Variants in TMEM45A observed in about 807,000 individuals in gnomAD.
TMEM45A encodes the protein transmembrane protein 45A, also known as DNA polymerase-transactivated protein 4.
Under a neutral mutation model 32.0 loss-of-function variants are expected in TMEM45A, and 25 were observed. The observed-to-expected ratio is 0.78, with a 90% CI of 0.57 to 1.09. The LOEUF is 1.09. Among genes scored for constraint, TMEM45A ranks in the 50% least tolerant of loss-of-function variants. The pLI is 0.00. For synonymous variants in TMEM45A, 122 were observed against 114.8 expected (o/e 1.06, Z -0.40); for missense variants, 302 against 325.0 (o/e 0.93, Z 0.54).
At chr3:100,564,630 A>T (rs943143413) in intron 4 of TMEM45A, among the ~76,000 whole-genome samples, 1 of 152,112 alleles carries the variant, frequency 6.6e-6, no homozygotes, top group Non-Finnish European at 1.5e-5. Context: ...TTATAGGCAC[A>T]TGCCACCAGG....
intron 1 of TMEM45A, among the ~76,000 whole-genome samples, chr3:100,543,762 A>G (rs575217358): frequency 2.0e-5 from 3 of 152,084 alleles, no homozygotes; most frequent in African/African-American, 4.8e-5. Flanking sequence ...GTTTATTTCA[A>G]ATATTTTTTT....
At chr3:100,506,423 G>A (rs1708081673) in intron 1 of TMEM45A, among the ~76,000 whole-genome samples, 1 of 152,038 alleles carries the variant, frequency 6.6e-6, no homozygotes, top group African/African-American at 2.4e-5. Flanking sequence ...AAATAGTAAT[G>A]TAGTTTAAAG....
At chr3:100,523,909 A>G (rs998045558) in intron 1 of TMEM45A, among the ~76,000 whole-genome samples, 1 of 152,202 alleles carries the variant, frequency 6.6e-6, no homozygotes, top group African/African-American at 2.4e-5. Flanking sequence ...AAGGAAGGGA[A>G]CTGCATAGAG....
intron 1 of TMEM45A, among the ~76,000 whole-genome samples, chr3:100,517,046 G>A (rs1708273573): frequency 6.6e-6 from 1 of 152,090 alleles, no homozygotes. Flanking sequence ...ATTTTCCTTT[G>A]CATGTGTTCT....
intron 2 of TMEM45A, among the ~76,000 whole-genome samples, chr3:100,555,851 TA>T (rs2148982116): frequency 6.6e-6 from 1 of 152,362 alleles, no homozygotes; most frequent in Admixed American, 6.5e-5. Context: ...GGCATCAAAT[TA>T]CACAGTAACA....
At chr3:100,504,193 G>A (rs1708048092) in intron 1 of TMEM45A, among the ~76,000 whole-genome samples, 1 of 151,636 alleles carries the variant, frequency 6.6e-6, no homozygotes, top group Admixed American at 6.6e-5. Flanking sequence ...AATTATCTGT[G>A]GTAAAGGACC....
intron 1 of TMEM45A, among the ~76,000 whole-genome samples, chr3:100,498,150 T>G (rs1025748464): frequency 1.3e-5 from 2 of 152,212 alleles, no homozygotes; most frequent in Non-Finnish European, 2.9e-5. Flanking sequence ...CCTGCCACCA[T>G]GTGAAGAAGG....
chr3:100,566,340 T>G (rs1706437733), intron 4 of TMEM45A, among the ~76,000 whole-genome samples: 1 of 152,180 alleles, frequency 6.6e-6, no homozygotes, highest in South Asian at 2.1e-4. Flanking sequence ...GCAAAACGGT[T>G]GCCACAGTAG....
At chr3:100,523,730 C>G (rs562281141) in intron 1 of TMEM45A, among the ~76,000 whole-genome samples, 34 of 150,738 alleles carry the variant, frequency 2.3e-4, no homozygotes, top group Non-Finnish European at 4.0e-4. Context: ...CCTTCTCCTC[C>G]TCCTTTCTCC....
At chr3:100,547,188 C>T (rs934892951) in intron 1 of TMEM45A, among the ~76,000 whole-genome samples, 1 of 152,108 alleles carries the variant, frequency 6.6e-6, no homozygotes, top group African/African-American at 2.4e-5. Context: ...GTGGTACGAT[C>T]TTGGCTCACT....
At chr3:100,560,996 A>G (rs1278559150) in intron 4 of TMEM45A, among the ~76,000 whole-genome samples, 2 of 151,896 alleles carry the variant, frequency 1.3e-5, no homozygotes, top group East Asian at 1.9e-4. Flanking sequence ...TATTTAGAAA[A>G]TTTTTCATCT....
intron 1 of TMEM45A, among the ~76,000 whole-genome samples, chr3:100,511,270 A>C (rs1184013622): frequency 6.6e-6 from 1 of 152,268 alleles, no homozygotes; most frequent in Non-Finnish European, 1.5e-5. Flanking sequence ...CTAACAGCGG[A>C]TGTCTCGGCA....
chr3:100,577,090 C>G lies in TMEM45A; in HGVS notation c.*72C>G. ...ATTGTTCTTGGTTTTGTTTCTCGATCTTTTGTTTGGAGAACAGCTGGCTAA... is the reference window on the plus strand; with the variant it reads ...ATTGTTCTTGGTTTTGTTTCTCGATGTTTTGTTTGGAGAACAGCTGGCTAA... On this transcript the variant is annotated 3_prime_UTR_variant, in exon 6 of 6. Coordinates refer to ENST00000323523, the MANE Select transcript of TMEM45A (RefSeq NM_018004.3). 1 of 1,321,204 alleles carries G rather than the reference C, an allele frequency of 7.6e-7. No homozygotes were observed. The allele number at this position is 1,321,204 out of a possible 1,614,324, so 81.8% of individuals were successfully genotyped here.
rs150093867 is a variant in TMEM45A at position 100,509,659 on chromosome 3, G to A, written c.-4+16731G>A. Among the ~76,000 whole-genome samples, 547 of 152,278 alleles carry A rather than the reference G, an allele frequency of 3.6e-3. 6 individuals are homozygous for A. The highest frequency in any genetic ancestry group is 5.2e-3 in the Non-Finnish European group (351 of 68,028). On this transcript the variant is annotated intron_variant, in intron 1 of 5. Coordinates refer to ENST00000323523, the MANE Select transcript of TMEM45A (RefSeq NM_018004.3). ...ACAGCTCCAGTCTACAGCTCCCAGC[G>A]TGAGTGATGCAGAAGACAGGTGATT...
At chr3:100,556,103 C>A (rs780909517) in intron 2 of TMEM45A, among the ~76,000 whole-genome samples, 1 of 152,080 alleles carries the variant, frequency 6.6e-6, no homozygotes, top group Admixed American at 6.6e-5. Context: ...TGCCTCAGCT[C>A]CCAAGTAGCT....
In TMEM45A at chr3:100,514,662, A is replaced by C. The variant is rs1436196616; in HGVS notation, c.-4+21734A>C. On this transcript the variant is annotated intron_variant, in intron 1 of 5. Transcript: ENST00000323523. Reference sequence around the variant, plus strand: ...AAACTAAAGAGCTTGTGCACAGCAAAACAAACTACCATCAGAGTGAACAGG... The same window carrying C: ...AAACTAAAGAGCTTGTGCACAGCAACACAAACTACCATCAGAGTGAACAGG... Among the ~76,000 whole-genome samples, 4 of 152,200 alleles carry C rather than the reference A, an allele frequency of 2.6e-5. No individual in the cohort carries two copies. In the East Asian group the frequency reaches 7.7e-4, roughly 29 times the overall value.
intron 4 of TMEM45A, 80 bp from the exon 5 acceptor site, chr3:100,568,742 G>C (rs80151771): frequency 7.5e-7 from 1 of 1,336,824 alleles, no homozygotes; most frequent in Admixed American, 2.0e-5. Context: ...TATTTACCTC[G>C]GAAGCAAGTA....
rs1472263202 is a variant in TMEM45A, at chr3:100,515,030, G to A, written c.-4+22102G>A. Among the ~76,000 whole-genome samples the A allele has an allele frequency of 2.7e-5, 4 of 149,914 alleles. No homozygotes were observed. In the Admixed American group the frequency reaches 2.7e-4, roughly 10 times the overall value. On this transcript the variant is annotated intron_variant, in intron 1 of 5. Transcript: ENST00000323523. ...AGGAACACTTTTACACTGTTGGTGG[G>A]ACTGTAAACTAGTTCAACCATTGTG...
At chr3:100,521,453 G>A (rs188912145) in intron 1 of TMEM45A, among the ~76,000 whole-genome samples, 3 of 151,988 alleles carry the variant, frequency 2.0e-5, no homozygotes, top group Admixed American at 6.6e-5. Flanking sequence ...GGGTTTCTCC[G>A]TGTTGGTCAG....
Sources: gnomAD v4.1 joint callset for allele counts (sites outside exome capture counted in the v4.1 genomes callset) on GRCh38, gnomAD v4.1.1 for gene constraint, MANE v1.5 for transcripts, NCBI Gene and HGNC (gene_info 2026-07-23, HGNC 2026-07-21) for gene names.